PTPRD: variants seen among roughly 807,000 people sequenced by gnomAD.
PTPRD encodes protein tyrosine phosphatase receptor type D.
PTPRD carries 34 observed loss-of-function variants against 214.5 expected under a neutral mutation model. The observed-to-expected ratio is 0.16, with a 90% CI of 0.12 to 0.21. The LOEUF (loss-of-function observed/expected upper bound fraction) is 0.21, where lower values mean the gene tolerates loss of function less well. Among genes scored for constraint, PTPRD ranks in the 10% least tolerant of loss-of-function variants. The probability of loss-of-function intolerance (pLI) is 1.00; values close to 1 mark genes in which losing one functional copy is unlikely to be tolerated. For missense variants in PTPRD, 2,545 were observed against 2,398.7 expected, an observed-to-expected ratio of 1.06 and a Z score of -1.27; for synonymous variants, 1,128 against 845.7, an observed-to-expected ratio of 1.33 and a Z score of -5.79.
At chr9:9,564,751 T>A (rs189339796) in intron 8 of PTPRD, among the ~76,000 whole-genome samples, 23 of 152,102 alleles carry the variant, frequency 1.5e-4, no homozygotes, top group Admixed American at 1.1e-3. Context: ...TTTTCCTAAC[T>A]CTAGTTCAGT....
chr9:9,090,972 CTG>C (rs1436696015), intron 10 of PTPRD: 2 of 1,573,818 alleles, frequency 1.3e-6, no homozygotes, highest in Non-Finnish European at 1.7e-6. Flanking sequence ...GCTGCACTAA[CTG>C]TGCCCGATGC....
chr9:9,169,516 AT>A (rs1415906433), intron 10 of PTPRD, among the ~76,000 whole-genome samples: 4 of 152,168 alleles, frequency 2.6e-5, no homozygotes, highest in Non-Finnish European at 5.9e-5. Context: ...CAATTAAAAA[AT>A]GAGGTAGGCC....
chr9:10,062,144 T>A (rs1445617467), intron 3 of PTPRD, among the ~76,000 whole-genome samples: 1 of 152,090 alleles, frequency 6.6e-6, no homozygotes, highest in East Asian at 1.9e-4. Context: ...GGTGGTAGGA[T>A]GTTACAACCA....
intron 12 of PTPRD, among the ~76,000 whole-genome samples, chr9:8,684,111 C>G (rs2097619104): frequency 6.6e-6 from 1 of 152,128 alleles, no homozygotes; most frequent in Non-Finnish European, 1.5e-5. Flanking sequence ...CTGCTGCGCC[C>G]TATCTGAATT....
intron 2 of PTPRD, among the ~76,000 whole-genome samples, chr9:10,348,249 G>A (rs973601070): frequency 3.3e-5 from 5 of 152,044 alleles, no homozygotes; most frequent in African/African-American, 1.2e-4. Flanking sequence ...ATTGGTCAGA[G>A]CTTCTAACTA....
At chr9:9,555,333 T>C (rs1591487724) in intron 8 of PTPRD, among the ~76,000 whole-genome samples, 1 of 152,138 alleles carries the variant, frequency 6.6e-6, no homozygotes, top group South Asian at 2.1e-4. Context: ...TATTGACCAG[T>C]CACCTGTTGA....
intron 8 of PTPRD, among the ~76,000 whole-genome samples, chr9:9,432,080 A>AATG (rs952973856): frequency 6.7e-6 from 1 of 148,796 alleles, no homozygotes; most frequent in Non-Finnish European, 1.5e-5. Flanking sequence ...TAATAATAAT[A>AATG]ATAATAATAA....
At chr9:8,538,849 G>T (rs979044049) in intron 14 of PTPRD, among the ~76,000 whole-genome samples, 4 of 151,792 alleles carry the variant, frequency 2.6e-5, no homozygotes, top group East Asian at 1.9e-4. Flanking sequence ...CCATTCTCCA[G>T]TTGAAAGGAA....
intron 5 of PTPRD, among the ~76,000 whole-genome samples, chr9:9,808,609 C>G (rs2153533118): frequency 6.6e-6 from 1 of 152,160 alleles, no homozygotes; most frequent in East Asian, 1.9e-4. Context: ...CCTCATTTTC[C>G]TTTAACTTGC....
chr9:9,617,832 G>A (rs2094975458), intron 7 of PTPRD, among the ~76,000 whole-genome samples: 1 of 151,716 alleles, frequency 6.6e-6, no homozygotes, highest in Non-Finnish European at 1.5e-5. Flanking sequence ...CAGCACTTTG[G>A]GAGGCAGAGG....
At chr9:8,892,830 T>C (rs1291447338) in intron 11 of PTPRD, among the ~76,000 whole-genome samples, 1 of 151,688 alleles carries the variant, frequency 6.6e-6, no homozygotes, top group Non-Finnish European at 1.5e-5. Context: ...GTAGTGGACA[T>C]GCAAAGGCCC....
intron 9 of PTPRD, among the ~76,000 whole-genome samples, chr9:9,334,263 G>C (rs551497790): frequency 4.6e-5 from 7 of 151,964 alleles, no homozygotes; most frequent in East Asian, 1.9e-4. Flanking sequence ...AATTAAGATG[G>C]CTCATATAAA....
intron 10 of PTPRD, among the ~76,000 whole-genome samples, chr9:9,157,103 AT>A (rs2099881880): frequency 6.6e-6 from 1 of 152,248 alleles, no homozygotes. Context: ...AACACAACAT[AT>A]GAAAACTTAA....
chr9:9,605,008 T>C (rs1392488728), intron 7 of PTPRD, among the ~76,000 whole-genome samples: 1 of 152,068 alleles, frequency 6.6e-6, no homozygotes, highest in Non-Finnish European at 1.5e-5. Context: ...GTGAAATATA[T>C]GCTCATAAAC....
At chr9:8,419,246 A>AAAAAG (rs1564673721) in intron 35 of PTPRD, among the ~76,000 whole-genome samples, 1 of 151,386 alleles carries the variant, frequency 6.6e-6, no homozygotes, top group African/African-American at 2.4e-5. Context: ...AAAAAAAAAA[A>AAAAAG]AAAAGAAAAG....
chr9:9,915,338 C>G (rs2080415254), intron 5 of PTPRD, among the ~76,000 whole-genome samples: 1 of 151,490 alleles, frequency 6.6e-6, no homozygotes, highest in African/African-American at 2.4e-5. Context: ...ACAAAGGAAA[C>G]ATGACATCTC....
intron 2 of PTPRD, among the ~76,000 whole-genome samples, chr9:10,362,963 G>A (rs142628171): frequency 1.3e-5 from 2 of 152,218 alleles, no homozygotes; most frequent in African/African-American, 4.8e-5. Flanking sequence ...GACTAGTATA[G>A]AACAGGCTTT....
chr9:8,886,237 A>G (rs1428682715), intron 11 of PTPRD, among the ~76,000 whole-genome samples: 1 of 152,210 alleles, frequency 6.6e-6, no homozygotes, highest in Non-Finnish European at 1.5e-5. Context: ...GTTCAGTGTC[A>G]TATAGACACA....
At chr9:10,087,514 A>C (rs960135794) in intron 3 of PTPRD, among the ~76,000 whole-genome samples, 1 of 151,642 alleles carries the variant, frequency 6.6e-6, no homozygotes, top group South Asian at 2.1e-4. Flanking sequence ...GCCTCCTATC[A>C]AACCCGAGCA....
Sources: gnomAD v4.1 joint callset for allele counts (sites outside exome capture counted in the v4.1 genomes callset) on GRCh38, gnomAD v4.1.1 for gene constraint, MANE v1.5 for transcripts, NCBI Gene and HGNC (gene_info 2026-07-23, HGNC 2026-07-21) for gene names.